CCSER1: variants seen among roughly 807,000 people sequenced by gnomAD.
The protein encoded by CCSER1 is coiled-coil serine rich protein 1.
A neutral mutation model predicts 82.0 loss-of-function variants in CCSER1; 41 were observed. That is an observed-to-expected ratio of 0.50 (90% CI 0.39 to 0.65). CCSER1 has a LOEUF of 0.65. CCSER1 is among the 30% of genes least tolerant of loss of function. The pLI is 0.00. For synonymous variants in CCSER1, 414 were observed against 383.9 expected (o/e 1.08, Z -0.92); for missense variants, 1,119 against 1,064.2 (o/e 1.05, Z -0.72).
Position 90,350,477 on chromosome 4 carries a change from A to T in CCSER1, c.1509+37430A>T, listed in dbSNP as rs75473097. ...AATAAAAATTGGAAAGGAAGAGGTAAGATTGTTATTATTTGCTAAGCATGT... is the reference window on the plus strand; with the variant it reads ...AATAAAAATTGGAAAGGAAGAGGTATGATTGTTATTATTTGCTAAGCATGT... On this transcript the variant is annotated intron_variant, in intron 3 of 10. Coordinates refer to ENST00000509176, the MANE Select transcript of CCSER1 (RefSeq NM_001145065.2). 4.4e-3 allele frequency among the ~76,000 whole-genome samples: 672 copies of T among 152,268 alleles called. 4 individuals carry two copies. The highest frequency in any genetic ancestry group is 0.02 in the Middle Eastern group (6 of 294).
intron 8 of CCSER1, among the ~76,000 whole-genome samples, chr4:90,855,358 T>A (rs1353579350): frequency 6.6e-6 from 1 of 152,206 alleles, no homozygotes; most frequent in African/African-American, 2.4e-5. Flanking sequence ...TTGCTCAATC[T>A]ATTTCTTTAT....
intron 5 of CCSER1, among the ~76,000 whole-genome samples, chr4:90,624,402 G>GAA (rs33968911): frequency 2.6e-5 from 4 of 151,784 alleles, no homozygotes; most frequent in South Asian, 2.1e-4. Flanking sequence ...AGCTAAGTGA[G>GAA]AAAAAAAATC....
chr4:90,365,596 T>A (rs1746149477), intron 3 of CCSER1, among the ~76,000 whole-genome samples: 1 of 151,800 alleles, frequency 6.6e-6, no homozygotes, highest in Non-Finnish European at 1.5e-5. Context: ...TCAAAATTAA[T>A]AGGTAAACAC....
intron 3 of CCSER1, among the ~76,000 whole-genome samples, chr4:90,364,334 G>C (rs1381354): frequency 0.19 from 29,558 of 151,740 alleles, 3,428 homozygotes; most frequent in South Asian, 0.34. Flanking sequence ...TTTATTCCAA[G>C]GATTAAGTTC....
chr4:91,297,371 GTGTGTGTGTGTGTA>G (rs1422928224), intron 10 of CCSER1, among the ~76,000 whole-genome samples: 2,868 of 102,188 alleles, frequency 0.028, 40 homozygotes, highest in African/African-American at 0.062. Flanking sequence ...ATGCTTGTGT[GTGTGTGTGTGTGTA>G]TGTGTGTGTG....
intron 10 of CCSER1, among the ~76,000 whole-genome samples, chr4:91,596,360 G>C (rs903206825): frequency 6.6e-6 from 1 of 151,970 alleles, no homozygotes; most frequent in Admixed American, 6.6e-5. Flanking sequence ...AAATGAAAAA[G>C]AAATGTAACC....
intron 10 of CCSER1, among the ~76,000 whole-genome samples, chr4:91,440,468 CA>C (rs1429617581): frequency 6.6e-6 from 1 of 152,174 alleles, no homozygotes; most frequent in Non-Finnish European, 1.5e-5. Context: ...ACGTTCAAAG[CA>C]GTGTGTAGAG....
intron 3 of CCSER1, among the ~76,000 whole-genome samples, chr4:90,339,083 T>G (rs1351773843): frequency 6.6e-6 from 1 of 152,218 alleles, no homozygotes. Flanking sequence ...TACAAGATGA[T>G]TTTTGGGAAA....
intron 10 of CCSER1, among the ~76,000 whole-genome samples, chr4:91,444,559 C>T (rs1332318208): frequency 1.3e-5 from 2 of 152,040 alleles, no homozygotes; most frequent in East Asian, 1.9e-4. Flanking sequence ...AAGCGATCCT[C>T]CTGCCTCGGC....
chr4:91,541,239 T>A (rs2110196334), intron 10 of CCSER1, among the ~76,000 whole-genome samples: 1 of 152,324 alleles, frequency 6.6e-6, no homozygotes, highest in South Asian at 2.1e-4. Flanking sequence ...TTTTCTTTTT[T>A]AAGTATACTT....
intron 10 of CCSER1, among the ~76,000 whole-genome samples, chr4:91,309,585 G>A (rs1306470369): frequency 6.6e-6 from 1 of 151,926 alleles, no homozygotes; most frequent in Non-Finnish European, 1.5e-5. Flanking sequence ...TGCCACAAAT[G>A]AATGTTTGCT....
intron 5 of CCSER1, among the ~76,000 whole-genome samples, chr4:90,584,869 A>G (rs1413685710): frequency 6.6e-6 from 1 of 152,174 alleles, no homozygotes; most frequent in Admixed American, 6.5e-5. Context: ...AAAAAGCACA[A>G]TGATTTAATG....
At chr4:90,704,961 C>T (rs945352030) in intron 6 of CCSER1, among the ~76,000 whole-genome samples, 2 of 152,200 alleles carry the variant, frequency 1.3e-5, no homozygotes, top group Non-Finnish European at 2.9e-5. Context: ...CTTAAGCCTT[C>T]TTTTCTCAAC....
At chr4:91,034,624 A>G (rs190127411) in intron 9 of CCSER1, among the ~76,000 whole-genome samples, 3 of 152,308 alleles carry the variant, frequency 2.0e-5, no homozygotes, top group Non-Finnish European at 4.4e-5. Flanking sequence ...GCCATGGAAT[A>G]TCAGAATAGC....
At chr4:91,576,331 T>C (rs186153270) in intron 10 of CCSER1, among the ~76,000 whole-genome samples, 3 of 152,106 alleles carry the variant, frequency 2.0e-5, no homozygotes, top group East Asian at 3.9e-4. Context: ...ATCATCTATA[T>C]GTAAAATCTA....
intron 10 of CCSER1, among the ~76,000 whole-genome samples, chr4:91,380,653 A>T (rs998100175): frequency 6.6e-6 from 1 of 152,014 alleles, no homozygotes; most frequent in African/African-American, 2.4e-5. Flanking sequence ...TGCATGTGAG[A>T]TGGATCTCCT....
At chr4:90,381,516 T>C (rs569831839) in intron 3 of CCSER1, among the ~76,000 whole-genome samples, 1 of 152,314 alleles carries the variant, frequency 6.6e-6, no homozygotes, top group South Asian at 2.1e-4. Flanking sequence ...AATTTATATG[T>C]AACTATTGAG....
chr4:90,518,923 C>A (rs1772672282), intron 5 of CCSER1, among the ~76,000 whole-genome samples: 1 of 151,764 alleles, frequency 6.6e-6, no homozygotes, highest in Non-Finnish European at 1.5e-5. Context: ...GTTTGTGTAG[C>A]AGACAGTATT....
chr4:91,501,961 C>T (rs1423560827), intron 10 of CCSER1, among the ~76,000 whole-genome samples: 2 of 152,132 alleles, frequency 1.3e-5, no homozygotes, highest in Non-Finnish European at 2.9e-5. Context: ...CTTAGATTTA[C>T]CTGGGTTGTC....
Sources: gnomAD v4.1 joint callset for allele counts (sites outside exome capture counted in the v4.1 genomes callset) on GRCh38, gnomAD v4.1.1 for gene constraint, MANE v1.5 for transcripts, NCBI Gene and HGNC (gene_info 2026-07-23, HGNC 2026-07-21) for gene names.